NAALADL2: variants seen among roughly 807,000 people sequenced by gnomAD.
The protein encoded by NAALADL2 is N-acetylated alpha-linked acidic dipeptidase like 2.
NAALADL2 carries 76 observed loss-of-function variants against 87.2 expected under a neutral mutation model. The observed-to-expected ratio is 0.87, with a 90% CI of 0.72 to 1.05. NAALADL2 has a LOEUF of 1.05. NAALADL2 is among the 50% of genes least tolerant of loss of function. The pLI, the probability that NAALADL2 is intolerant of heterozygous loss-of-function variation, is 0.00. For missense variants in NAALADL2, 1,089 were observed against 945.8 expected (o/e 1.15, Z -1.99); for synonymous variants, 354 against 331.0 (o/e 1.07, Z -0.75).
At chr3:175,523,794 A>T (rs1733009907) in intron 9 of NAALADL2, among the ~76,000 whole-genome samples, 1 of 152,204 alleles carries the variant, frequency 6.6e-6, no homozygotes, top group African/African-American at 2.4e-5. Flanking sequence ...GTTATGACAG[A>T]GCAGGTAATC....
intron 2 of NAALADL2, among the ~76,000 whole-genome samples, chr3:175,148,099 T>TAATAATAAG (rs1179228350): frequency 6.9e-6 from 1 of 145,190 alleles, no homozygotes; most frequent in Non-Finnish European, 1.5e-5. Flanking sequence ...ATGATAATAA[T>TAATAATAAG]AATAATAATA....
At chr3:175,522,159 T>C (rs142447519) in intron 9 of NAALADL2, among the ~76,000 whole-genome samples, 284 of 152,300 alleles carry the variant, frequency 1.9e-3, no homozygotes, top group African/African-American at 6.4e-3. Flanking sequence ...GATAAACATC[T>C]CTAAGTCTTT....
chr3:175,108,447 A>G (rs1451468861), intron 2 of NAALADL2, among the ~76,000 whole-genome samples: 1 of 152,012 alleles, frequency 6.6e-6, no homozygotes, highest in Non-Finnish European at 1.5e-5. Context: ...TATGGAGTAC[A>G]TTTGTATCTG....
chr3:174,570,958 A>C (rs1002506613), intron 2 of NAALADL2, among the ~76,000 whole-genome samples: 1 of 152,168 alleles, frequency 6.6e-6, no homozygotes, highest in Non-Finnish European at 1.5e-5. Flanking sequence ...AATCGAGTGC[A>C]TCTAATGATC....
intron 6 of NAALADL2, among the ~76,000 whole-genome samples, chr3:175,457,650 C>G (rs955807278): frequency 2.0e-5 from 3 of 151,260 alleles, no homozygotes; most frequent in Admixed American, 1.3e-4. Context: ...CTCTGAGTAA[C>G]TAGGACTAGA....
At chr3:175,257,268 C>T (rs554856938) in intron 4 of NAALADL2, 2 of 151,584 alleles carry the variant, frequency 1.3e-5, no homozygotes, top group South Asian at 4.2e-4. Flanking sequence ...TTGGATTTCT[C>T]CTCATTCAAC....
At chr3:174,971,665 CTGTGTGTGTGTGTGTG>C (rs10662918) in intron 1 of NAALADL2, among the ~76,000 whole-genome samples, 6 of 144,724 alleles carry the variant, frequency 4.1e-5, no homozygotes, top group South Asian at 2.2e-4. Flanking sequence ...GTATGCTAGA[CTGTGTGTGTGTGTGTG>C]TGTGTGTGTG....
At chr3:175,677,211 A>G (rs1177921615) in intron 11 of NAALADL2, among the ~76,000 whole-genome samples, 1 of 151,884 alleles carries the variant, frequency 6.6e-6, no homozygotes, top group Non-Finnish European at 1.5e-5. Context: ...AAAAATACAA[A>G]AATTAGCTGA....
At chr3:175,028,375 G>A (rs933454553) in intron 1 of NAALADL2, among the ~76,000 whole-genome samples, 56 of 151,906 alleles carry the variant, frequency 3.7e-4, no homozygotes, top group African/African-American at 1.2e-3. Flanking sequence ...TATGGGTAAG[G>A]ACAATTGGTA....
chr3:175,639,710 T>A (rs1019992949), intron 11 of NAALADL2, among the ~76,000 whole-genome samples: 11 of 152,272 alleles, frequency 7.2e-5, no homozygotes, highest in East Asian at 5.8e-4. Context: ...TTTTTTATTT[T>A]AAAAAAATCA....
intron 1 of NAALADL2, among the ~76,000 whole-genome samples, chr3:174,929,255 T>C (rs1029995189): frequency 3.9e-5 from 6 of 152,184 alleles, no homozygotes; most frequent in African/African-American, 9.7e-5. Flanking sequence ...GTTTAGATTT[T>C]ATTCTAAGTG....
chr3:175,226,958 C>G (rs1295006404), intron 2 of NAALADL2, among the ~76,000 whole-genome samples: 2 of 152,052 alleles, frequency 1.3e-5, no homozygotes, highest in Non-Finnish European at 2.9e-5. Flanking sequence ...CAGAATTTTA[C>G]TACATTGGAT....
chr3:174,744,288 T>A (rs1255680788), intron 3 of NAALADL2, among the ~76,000 whole-genome samples: 1 of 151,880 alleles, frequency 6.6e-6, no homozygotes, highest in Non-Finnish European at 1.5e-5. Context: ...AGAAGACTTA[T>A]GTCAGAGTGA....
intron 4 of NAALADL2, among the ~76,000 whole-genome samples, chr3:175,306,624 C>T (rs1210520871): frequency 6.6e-6 from 1 of 152,146 alleles, no homozygotes; most frequent in African/African-American, 2.4e-5. Flanking sequence ...TCAGGAGATC[C>T]AGACCATCTT....
At position 175,549,293 on chromosome 3, in the gene NAALADL2, G is replaced by C. The variant is rs145181646; in HGVS notation, c.1654-26748G>C. 1.7e-3 allele frequency among the ~76,000 whole-genome samples: 252 copies of C among 152,010 alleles called. 2 individuals carry two copies. The highest frequency in any genetic ancestry group is 5.7e-3 in the African/African-American group (237 of 41,514). ...CCAAAAAAATTGGATGTGTATATCT[G>C]TTTAGACATCTAACTGTCATGTTAT... On this transcript the variant is annotated intron_variant, in intron 9 of 13. Coordinates refer to ENST00000454872, the MANE Select transcript of NAALADL2 (RefSeq NM_207015.3).
At chr3:175,133,388 T>G (rs1237107721) in intron 2 of NAALADL2, among the ~76,000 whole-genome samples, 3 of 152,064 alleles carry the variant, frequency 2.0e-5, no homozygotes, top group East Asian at 3.9e-4. Flanking sequence ...AGGTGGAGGT[T>G]GTAGCGAGCC....
intron 12 of NAALADL2, among the ~76,000 whole-genome samples, chr3:175,751,544 G>T (rs1383970859): frequency 6.6e-6 from 1 of 152,012 alleles, no homozygotes; most frequent in Non-Finnish European, 1.5e-5. Context: ...AAACTTACAT[G>T]ATTATTTTCT....
At chr3:175,469,016 TA>T (rs1724503359) in intron 8 of NAALADL2, among the ~76,000 whole-genome samples, 1 of 152,066 alleles carries the variant, frequency 6.6e-6, no homozygotes, top group African/African-American at 2.4e-5. Context: ...ATTTTGTTAA[TA>T]AGGTTATTCC....
chr3:174,451,728 C>T (rs1329753097), intron 1 of NAALADL2, among the ~76,000 whole-genome samples: 1 of 151,740 alleles, frequency 6.6e-6, no homozygotes, highest in Non-Finnish European at 1.5e-5. Context: ...ATCCTTTACT[C>T]ATTTTTACAA....
Sources: gnomAD v4.1 joint callset for allele counts (sites outside exome capture counted in the v4.1 genomes callset) on GRCh38, gnomAD v4.1.1 for gene constraint, MANE v1.5 for transcripts, NCBI Gene and HGNC (gene_info 2026-07-23, HGNC 2026-07-21) for gene names.